Variants in AOPEP observed in about 807,000 individuals in gnomAD.
The protein encoded by AOPEP is aminopeptidase O (putative).
In AOPEP, 77 loss-of-function variants were observed where a neutral mutation model predicts 98.1. The observed-to-expected ratio is 0.78, with a 90% CI of 0.65 to 0.95. The LOEUF is 0.95. AOPEP is among the 40% of genes least tolerant of loss of function. The pLI is 0.00. For missense variants in AOPEP, 1,024 were observed against 1,024.7 expected, an observed-to-expected ratio of 1.00 and a Z score of 0.01; for synonymous variants, 346 against 365.3, an observed-to-expected ratio of 0.95 and a Z score of 0.60.
intron 3 of AOPEP, among the ~76,000 whole-genome samples, chr9:94,783,341 G>A (rs574243514): frequency 6.6e-6 from 1 of 152,328 alleles, no homozygotes; most frequent in South Asian, 2.1e-4. Context: ...GCCTTGCTGG[G>A]TAGCATCAGT....
At chr9:95,000,077 T>C (rs2061467816) in intron 11 of AOPEP, among the ~76,000 whole-genome samples, 1 of 152,142 alleles carries the variant, frequency 6.6e-6, no homozygotes, top group Non-Finnish European at 1.5e-5. Context: ...TTATGCTTTG[T>C]AAGGACTTCC....
At chr9:95,084,113 T>TA (rs1409263236) in intron 16 of AOPEP, among the ~76,000 whole-genome samples, 1 of 152,190 alleles carries the variant, frequency 6.6e-6, no homozygotes, top group Non-Finnish European at 1.5e-5. Flanking sequence ...TTTGTATCTT[T>TA]AAAAAAACTT....
chr9:95,136,108 A>C, the AOPEP span, among the ~76,000 whole-genome samples: 1 of 152,230 alleles, frequency 6.6e-6, no homozygotes, highest in Non-Finnish European at 1.5e-5. Context: ...AACAATTTCA[A>C]GGCCAGATGC....
chr9:94,975,146 G>A (rs1051535502), intron 10 of AOPEP, among the ~76,000 whole-genome samples: 8 of 152,244 alleles, frequency 5.3e-5, no homozygotes, highest in Admixed American at 3.3e-4. Context: ...TGGGAGGATC[G>A]TTTCATCCCT....
At chr9:95,131,139 G>GTT in the AOPEP span, among the ~76,000 whole-genome samples, 2 of 152,098 alleles carry the variant, frequency 1.3e-5, no homozygotes, top group Non-Finnish European at 2.9e-5. Context: ...TGTTTAATTA[G>GTT]TGATAAATCT....
chr9:94,884,488 G>A (rs932082963), intron 5 of AOPEP, among the ~76,000 whole-genome samples: 5 of 152,142 alleles, frequency 3.3e-5, no homozygotes, highest in African/African-American at 1.2e-4. Context: ...CTACCACCAG[G>A]AAAGACTTGG....
chr9:95,027,059 G>A (rs990499250), intron 13 of AOPEP, among the ~76,000 whole-genome samples: 3 of 152,000 alleles, frequency 2.0e-5, no homozygotes, highest in South Asian at 2.1e-4. Flanking sequence ...CTAGGAGTTC[G>A]AGACCAGCCT....
chr9:94,987,404 T>A (rs972486157), intron 11 of AOPEP, among the ~76,000 whole-genome samples: 1 of 152,224 alleles, frequency 6.6e-6, no homozygotes, highest in Non-Finnish European at 1.5e-5. Context: ...CAAGGTGTGC[T>A]GCTGGGAAAC....
At chr9:95,040,597 A>G (rs758730168) in intron 13 of AOPEP, among the ~76,000 whole-genome samples, 2 of 152,156 alleles carry the variant, frequency 1.3e-5, no homozygotes, top group Non-Finnish European at 2.9e-5. Flanking sequence ...GAAAGAGGAG[A>G]GCAGGGACCT....
At chr9:94,919,581 A>G (rs67756624) in intron 5 of AOPEP, among the ~76,000 whole-genome samples, 11,406 of 152,130 alleles carry the variant, frequency 0.075, 709 homozygotes, top group African/African-American at 0.16. Context: ...AGGGGCTGAG[A>G]GTTCGGCTTG....
chr9:94,750,400 A>G (rs1212431747), intron 1 of AOPEP, among the ~76,000 whole-genome samples: 1 of 152,090 alleles, frequency 6.6e-6, no homozygotes, highest in Non-Finnish European at 1.5e-5. Context: ...CCTGGCCAAC[A>G]TGGTGAAACC....
chr9:94,826,590 A>T (rs1854617701), intron 5 of AOPEP, among the ~76,000 whole-genome samples: 1 of 152,228 alleles, frequency 6.6e-6, no homozygotes, highest in Non-Finnish European at 1.5e-5. Context: ...TGCACAGGTG[A>T]TTCAAAAGTT....
At chr9:94,896,029 A>T (rs184191178) in intron 5 of AOPEP, among the ~76,000 whole-genome samples, 200 of 152,320 alleles carry the variant, frequency 1.3e-3, no homozygotes, top group African/African-American at 4.5e-3. Flanking sequence ...TCTCTATTCT[A>T]GACAATACTA....
At chr9:94,947,921 G>A (rs531639677) in intron 7 of AOPEP, among the ~76,000 whole-genome samples, 1 of 152,168 alleles carries the variant, frequency 6.6e-6, no homozygotes, top group Non-Finnish European at 1.5e-5. Flanking sequence ...CATTACATTT[G>A]CATTCCTCCT....
intron 14 of AOPEP, among the ~76,000 whole-genome samples, chr9:95,069,680 A>G (rs2068278770): frequency 1.3e-5 from 2 of 152,274 alleles, no homozygotes; most frequent in African/African-American, 2.4e-5. Context: ...TGCCTCTTTT[A>G]TCATACTTGA....
At chr9:94,754,816 C>G (rs770236646) in intron 1 of AOPEP, among the ~76,000 whole-genome samples, 18 of 152,266 alleles carry the variant, frequency 1.2e-4, no homozygotes, top group Middle Eastern at 3.4e-3. Flanking sequence ...TGCTTTGTAG[C>G]TTGAAAGGAG....
chr9:94,731,674 C>T (rs1220964627), intron 1 of AOPEP, among the ~76,000 whole-genome samples: 1 of 151,490 alleles, frequency 6.6e-6, no homozygotes, highest in Non-Finnish European at 1.5e-5. Flanking sequence ...TGCATTTGGG[C>T]ATCTGATTAT....
At chr9:95,102,275 C>T in the AOPEP span, among the ~76,000 whole-genome samples, 1 of 152,210 alleles carries the variant, frequency 6.6e-6, no homozygotes, top group African/African-American at 2.4e-5. Context: ...GAAAATACCA[C>T]CTGTTTTCAC....
At chr9:95,131,341 C>A in the AOPEP span, among the ~76,000 whole-genome samples, 2 of 152,230 alleles carry the variant, frequency 1.3e-5, no homozygotes, top group Non-Finnish European at 2.9e-5. Flanking sequence ...AGCTCCTCAG[C>A]CCCCTGCTGC....
Sources: allele counts gnomAD v4.1 joint callset (sites outside exome capture counted in the v4.1 genomes callset), GRCh38; gene constraint gnomAD v4.1.1; transcripts MANE v1.5; gene names NCBI Gene and HGNC (gene_info 2026-07-23, HGNC 2026-07-21).